Variants in CTNNA2 observed in about 807,000 individuals in gnomAD.
CTNNA2 encodes the protein catenin alpha-2.
A neutral mutation model predicts 101.0 loss-of-function variants in CTNNA2; 42 were observed. The observed-to-expected ratio is 0.42, with a 90% CI of 0.32 to 0.54. The LOEUF (loss-of-function observed/expected upper bound fraction) is 0.54. Among genes scored for constraint, CTNNA2 ranks in the 20% least tolerant of loss-of-function variants. The pLI is 0.14. For synonymous variants in CTNNA2, 450 were observed against 456.4 expected, an observed-to-expected ratio of 0.99 and a Z score of 0.18; for missense variants, 871 against 1,223.1, an observed-to-expected ratio of 0.71 and a Z score of 4.29.
Position 79,867,393 on chromosome 2 carries a change from T to G in CTNNA2, c.466-2423T>G, listed in dbSNP as rs186684257. On this transcript the variant is annotated intron_variant, in intron 4 of 18. Transcript: ENST00000402739. Reference sequence around the variant, plus strand: ...ATCATCTATCTAATCTATCTGTCTATCTATCCTATCCATCCATCCATCTCC... The same window carrying G: ...ATCATCTATCTAATCTATCTGTCTAGCTATCCTATCCATCCATCCATCTCC... Among the ~76,000 whole-genome samples, 452 of 152,256 alleles carry G rather than the reference T, an allele frequency of 3.0e-3. 4 individuals are homozygous for G. Among genetic ancestry groups the G allele is most frequent in the African/African-American group, 0.01 (428 of 41,554 alleles).
At chr2:80,582,532 G>A (rs1695626773) in intron 14 of CTNNA2, among the ~76,000 whole-genome samples, 1 of 152,168 alleles carries the variant, frequency 6.6e-6, no homozygotes, top group Non-Finnish European at 1.5e-5. Flanking sequence ...TTGGTCTAAA[G>A]AGCATCCTAA....
intron 12 of CTNNA2, among the ~76,000 whole-genome samples, chr2:80,568,621 A>C (rs1008840047): frequency 6.6e-6 from 1 of 152,056 alleles, no homozygotes; most frequent in African/African-American, 2.4e-5. Context: ...ATAAAATTAC[A>C]GAGAATTGTA....
At chr2:80,103,322 T>C (rs958106618) in intron 7 of CTNNA2, among the ~76,000 whole-genome samples, 1 of 152,182 alleles carries the variant, frequency 6.6e-6, no homozygotes, top group African/African-American at 2.4e-5. Flanking sequence ...GACTTTACTT[T>C]CTGCATGAGT....
At chr2:79,616,725 T>G (rs1678645675) in intron 1 of CTNNA2, among the ~76,000 whole-genome samples, 1 of 152,138 alleles carries the variant, frequency 6.6e-6, no homozygotes, top group South Asian at 2.1e-4. Context: ...GACTTTATGT[T>G]TATATGTTTC....
chr2:79,190,579 C>T (rs998746130), intron 1 of CTNNA2, among the ~76,000 whole-genome samples: 8 of 152,016 alleles, frequency 5.3e-5, no homozygotes, highest in East Asian at 1.9e-4. Flanking sequence ...AGACTCCTGC[C>T]GTTTAGAAAG....
At chr2:79,835,666 GTTTTTTTTTTTTTTTTTT>G (rs70940048) in intron 3 of CTNNA2, among the ~76,000 whole-genome samples, 10 of 58,636 alleles carry the variant, frequency 1.7e-4, no homozygotes, top group South Asian at 8.2e-4. Context: ...GCCTCTCTTT[GTTTTTTTTTTTTTTTTTT>G]TTTTTTTTTT....
In CTNNA2 at chr2:80,240,859, C is replaced by T. The variant is rs140342219; in HGVS notation, c.1057-152352C>T. ...AACATGGATGTGTTGGGTACATTTT[C>T]TGAAGTAGCATCAGGGTATGTATAT... On this transcript the variant is annotated intron_variant, in intron 7 of 18. Coordinates refer to ENST00000402739, the MANE Select transcript of CTNNA2 (RefSeq NM_001282597.3). 5.4e-3 allele frequency among the ~76,000 whole-genome samples: 820 copies of T among 152,206 alleles called. 7 individuals are homozygous for T. Among genetic ancestry groups the T allele is most frequent in the African/African-American group, 0.019 (796 of 41,524 alleles).
intron 1 of CTNNA2, among the ~76,000 whole-genome samples, chr2:79,549,956 T>C (rs148374777): frequency 3.3e-5 from 5 of 152,300 alleles, no homozygotes; most frequent in Admixed American, 6.5e-5. Context: ...GTTTTAATTA[T>C]ATAAGGGCCA....
chr2:80,149,397 A>G (rs1703553689), intron 7 of CTNNA2, among the ~76,000 whole-genome samples: 2 of 152,112 alleles, frequency 1.3e-5, no homozygotes, highest in African/African-American at 4.8e-5. Context: ...ACACTCCAAG[A>G]TATTTCTCTA....
At chr2:80,446,776 G>GA (rs1342637685) in intron 9 of CTNNA2, among the ~76,000 whole-genome samples, 8 of 152,160 alleles carry the variant, frequency 5.3e-5, no homozygotes, top group African/African-American at 1.4e-4. Flanking sequence ...TCCTATTAAG[G>GA]AAAAAATCTA....
At chr2:80,122,952 C>T (rs554825780) in intron 7 of CTNNA2, among the ~76,000 whole-genome samples, 1 of 152,236 alleles carries the variant, frequency 6.6e-6, no homozygotes, top group East Asian at 1.9e-4. Flanking sequence ...CCCTGCACTA[C>T]GCCTACAAAA....
At chr2:79,779,773 T>G (rs1459650183) in intron 3 of CTNNA2, among the ~76,000 whole-genome samples, 1 of 152,122 alleles carries the variant, frequency 6.6e-6, no homozygotes, top group African/African-American at 2.4e-5. Flanking sequence ...AAGTTCACCC[T>G]TACCTGATGA....
At chr2:79,657,546 A>C (rs775119775) in intron 2 of CTNNA2, among the ~76,000 whole-genome samples, 8 of 151,894 alleles carry the variant, frequency 5.3e-5, no homozygotes, top group Non-Finnish European at 1.2e-4. Context: ...CCAACCATAG[A>C]AAAATATAGA....
At chr2:79,334,472 A>G (rs954498761) in intron 3 of CTNNA2, among the ~76,000 whole-genome samples, 2 of 152,178 alleles carry the variant, frequency 1.3e-5, no homozygotes, top group East Asian at 3.9e-4. Context: ...TTTCAGTTTC[A>G]TCATTTAGAC....
intron 2 of CTNNA2, among the ~76,000 whole-genome samples, chr2:79,708,325 T>C (rs763570190): frequency 2.0e-5 from 3 of 152,194 alleles, no homozygotes; most frequent in Non-Finnish European, 4.4e-5. Flanking sequence ...AGGCGGGAAC[T>C]TGTATGTGAT....
intron 7 of CTNNA2, among the ~76,000 whole-genome samples, chr2:80,248,552 T>C (rs950570830): frequency 2.0e-5 from 3 of 152,184 alleles, no homozygotes; most frequent in Non-Finnish European, 2.9e-5. Context: ...TCATAGTTAT[T>C]AAAAACAAAC....
intron 7 of CTNNA2, among the ~76,000 whole-genome samples, chr2:80,202,711 A>T (rs1489286590): frequency 6.6e-6 from 1 of 151,774 alleles, no homozygotes; most frequent in African/African-American, 2.4e-5. Context: ...GGAGCAAAGA[A>T]CTTTGTTTCC....
rs74501960 is a variant in CTNNA2, at chr2:80,144,297, C to T, written c.1056+234500C>T. Among the ~76,000 whole-genome samples the T allele has an allele frequency of 7.2e-4, 110 of 152,238 alleles. No individual in the cohort carries two copies. In the East Asian group the frequency reaches 0.02, roughly 28 times the overall value. On this transcript the variant is annotated intron_variant, in intron 7 of 18. Coordinates refer to ENST00000402739, the MANE Select transcript of CTNNA2 (RefSeq NM_001282597.3). ...AGGCACCACAGATTCCCCATAGATG[C>T]ACCTGGTTAAAAGACAGCCTCCTCC...
chr2:79,996,303 TGA>T (rs1692540167), intron 7 of CTNNA2, among the ~76,000 whole-genome samples: 1 of 152,206 alleles, frequency 6.6e-6, no homozygotes, highest in African/African-American at 2.4e-5. Context: ...AGCATCCTAG[TGA>T]GTTTGTCCTC....
Sources: allele counts gnomAD v4.1 joint callset (sites outside exome capture counted in the v4.1 genomes callset), GRCh38; gene constraint gnomAD v4.1.1; transcripts MANE v1.5; gene names NCBI Gene and HGNC (gene_info 2026-07-23, HGNC 2026-07-21).